BCKDHB: variants seen among roughly 807,000 people sequenced by gnomAD.
The protein encoded by BCKDHB is 2-oxoisovalerate dehydrogenase subunit beta, mitochondrial.
A neutral mutation model predicts 48.5 loss-of-function variants in BCKDHB; 41 were observed. That is an observed-to-expected ratio of 0.85 (90% CI 0.66 to 1.10). BCKDHB has a LOEUF of 1.10. BCKDHB is among the 50% of genes least tolerant of loss of function. The pLI is 0.00. For synonymous variants in BCKDHB, 201 were observed against 174.8 expected, an observed-to-expected ratio of 1.15 and a Z score of -1.18; for missense variants, 496 against 494.2, an observed-to-expected ratio of 1.00 and a Z score of -0.03.
intron 9 of BCKDHB, among the ~76,000 whole-genome samples, chr6:80,316,778 T>C (rs1429206972): frequency 6.6e-6 from 1 of 152,220 alleles, no homozygotes; most frequent in East Asian, 1.9e-4. Context: ...TTACAGAGCT[T>C]TGTGGACTGC....
intron 1 of BCKDHB, among the ~76,000 whole-genome samples, chr6:80,117,693 C>T (rs1198221962): frequency 2.0e-5 from 3 of 152,266 alleles, no homozygotes; most frequent in African/African-American, 7.2e-5. Flanking sequence ...GCCTTAAGGA[C>T]ATGCTCCTGC....
chr6:80,458,290 C>A, the BCKDHB span, among the ~76,000 whole-genome samples: 1 of 152,192 alleles, frequency 6.6e-6, no homozygotes, highest in Non-Finnish European at 1.5e-5. Flanking sequence ...CTAATTTCAC[C>A]TCCTGGGTCA....
intron 3 of BCKDHB, among the ~76,000 whole-genome samples, chr6:80,138,435 C>A (rs1771006822): frequency 6.6e-6 from 1 of 151,948 alleles, no homozygotes; most frequent in Admixed American, 6.6e-5. Flanking sequence ...CAATGCTATT[C>A]CTCCCCCGTC....
At chr6:80,133,742 A>G (rs1195589727) in intron 3 of BCKDHB, among the ~76,000 whole-genome samples, 1 of 152,068 alleles carries the variant, frequency 6.6e-6, no homozygotes, top group Non-Finnish European at 1.5e-5. Flanking sequence ...TCCCAGGTTC[A>G]AGCAATTCTC....
At chr6:80,333,454 A>C (rs1769423611) in intron 9 of BCKDHB, among the ~76,000 whole-genome samples, 1 of 152,150 alleles carries the variant, frequency 6.6e-6, no homozygotes, top group Non-Finnish European at 1.5e-5. Context: ...ACACATGCAC[A>C]TATTCCTTTT....
chr6:80,224,400 CT>C (rs113578748), intron 8 of BCKDHB, among the ~76,000 whole-genome samples: 18 of 148,380 alleles, frequency 1.2e-4, no homozygotes, highest in Admixed American at 1.3e-4. Flanking sequence ...TTTTTCTTTC[CT>C]TTTTTTTTTA....
At chr6:80,381,442 G>A in the BCKDHB span, among the ~76,000 whole-genome samples, 1 of 151,854 alleles carries the variant, frequency 6.6e-6, no homozygotes, top group Admixed American at 6.6e-5. Context: ...TTTACACCTT[G>A]CATTATTTCT....
At chr6:80,305,404 T>G (rs1194621853) in intron 9 of BCKDHB, among the ~76,000 whole-genome samples, 2 of 74,746 alleles carry the variant, frequency 2.7e-5, no homozygotes, top group Non-Finnish European at 7.4e-5. Flanking sequence ...ACCAAGTGGG[T>G]TTTTTTTTGA....
At chr6:80,340,370 T>C (rs1769824610) in intron 9 of BCKDHB, among the ~76,000 whole-genome samples, 2 of 152,198 alleles carry the variant, frequency 1.3e-5, no homozygotes, top group African/African-American at 4.8e-5. Flanking sequence ...CTGTCGTCTC[T>C]GGTTACATGT....
At chr6:80,113,478 G>A (rs974457960) in intron 1 of BCKDHB, among the ~76,000 whole-genome samples, 4 of 152,228 alleles carry the variant, frequency 2.6e-5, no homozygotes, top group African/African-American at 9.6e-5. Context: ...GTGTGGCCCC[G>A]GCCAGAAACC....
In BCKDHB at chr6:80,222,198, T is replaced by C. The variant is rs141925536; in HGVS notation, c.951+18986T>C. On this transcript the variant is annotated intron_variant, in intron 8 of 9. Coordinates refer to ENST00000320393, the MANE Select transcript of BCKDHB (RefSeq NM_183050.4). ...GTGTACCTATTGTTTAGCTCCTACT[T>C]ATAAGTCAGAACATCCAGTATTTGA... Among the ~76,000 whole-genome samples, 787 of 152,320 alleles carry C rather than the reference T, an allele frequency of 5.2e-3. 4 individuals carry two copies. Among genetic ancestry groups the C allele is most frequent in the Admixed American group, 5.9e-3 (91 of 15,298 alleles).
At chr6:80,143,449 A>T (rs1771321705) in intron 3 of BCKDHB, among the ~76,000 whole-genome samples, 1 of 152,196 alleles carries the variant, frequency 6.6e-6, no homozygotes, top group Admixed American at 6.6e-5. Flanking sequence ...GGAGGAGCCA[A>T]TAAAAACAGC....
intron 8 of BCKDHB, among the ~76,000 whole-genome samples, chr6:80,236,906 G>A (rs1776169173): frequency 1.3e-5 from 2 of 152,088 alleles, no homozygotes; most frequent in Non-Finnish European, 1.5e-5. Flanking sequence ...AACTTTCAAC[G>A]TCAAGTAAAA....
At chr6:80,270,631 T>G (rs1418283360) in intron 8 of BCKDHB, among the ~76,000 whole-genome samples, 1 of 152,180 alleles carries the variant, frequency 6.6e-6, no homozygotes, top group Non-Finnish European at 1.5e-5. Flanking sequence ...ATTTTTGTAA[T>G]GCACATACAG....
the BCKDHB span, among the ~76,000 whole-genome samples, chr6:80,424,294 T>C: frequency 2.6e-5 from 4 of 152,214 alleles, no homozygotes; most frequent in African/African-American, 4.8e-5. Flanking sequence ...GTTCTTGTGA[T>C]GCCTTTAAAC....
the BCKDHB span, among the ~76,000 whole-genome samples, chr6:80,440,325 G>C: frequency 6.6e-6 from 1 of 152,226 alleles, no homozygotes; most frequent in Non-Finnish European, 1.5e-5. Flanking sequence ...GGAGCAGGTA[G>C]TTTATGACTA....
chr6:80,420,371 C>T, the BCKDHB span, among the ~76,000 whole-genome samples: 2 of 152,208 alleles, frequency 1.3e-5, no homozygotes, highest in Non-Finnish European at 2.9e-5. Flanking sequence ...TCCTGCTTCA[C>T]TCCTTTTGTT....
chr6:80,360,109 C>T, the BCKDHB span, among the ~76,000 whole-genome samples: 1 of 152,092 alleles, frequency 6.6e-6, no homozygotes, highest in South Asian at 2.1e-4. Context: ...GGAGGAGGCT[C>T]ACATCTATTA....
the BCKDHB span, among the ~76,000 whole-genome samples, chr6:80,380,763 C>T: frequency 6.6e-6 from 1 of 151,758 alleles, no homozygotes; most frequent in Admixed American, 6.6e-5. Context: ...CCACTAAAAA[C>T]TGGGCAAAGG....
Sources: allele counts gnomAD v4.1 joint callset (sites outside exome capture counted in the v4.1 genomes callset), GRCh38; gene constraint gnomAD v4.1.1; transcripts MANE v1.5; gene names NCBI Gene and HGNC (gene_info 2026-07-23, HGNC 2026-07-21).